The following TBL1XR1 variants were observed in gnomAD, a reference collection of about 807,000 sequenced individuals.
TBL1XR1 encodes TBL1X/Y related 1, also known as F-box-like/WD repeat-containing protein TBL1XR1.
In TBL1XR1, 5 loss-of-function variants were observed where a neutral mutation model predicts 66.9. That is an observed-to-expected ratio of 0.07 (90% confidence interval 0.04 to 0.16). The LOEUF is 0.16. Among genes scored for constraint, TBL1XR1 ranks in the 10% least tolerant of loss-of-function variants. The pLI is 1.00. For synonymous variants in TBL1XR1, 210 were observed against 206.0 expected (o/e 1.02, Z -0.17); for missense variants, 238 against 623.2 (o/e 0.38, Z 6.58).
Position 177,025,368 on chromosome 3 carries a change from T to C in TBL1XR1, c.*130A>G. 1.2e-6 allele frequency: 1 copy of C among 862,194 alleles called. No homozygotes were observed. Among genetic ancestry groups the C allele is most frequent in the Non-Finnish European group, 1.8e-6 (1 of 551,208 alleles). 53.4% of individuals were successfully genotyped at this position (862,194 alleles called of 1,614,324 possible). A position where few individuals can be genotyped will look rare whatever the true frequency, so the allele number is the denominator to read the frequency against. ...TTTGTTTATATACACTGTATGTATA[T>C]ATTTCTTTTAGATTTGGCTGTAGTG... is the stretch of plus-strand genomic sequence containing the variant. On this transcript the variant is annotated 3_prime_UTR_variant, in exon 16 of 16. Coordinates refer to ENST00000457928, the MANE Select transcript of TBL1XR1 (RefSeq NM_024665.7).
At chr3:177,028,534 A>G (rs1017752056) in intron 14 of TBL1XR1, among the ~76,000 whole-genome samples, 42 of 152,224 alleles carry the variant, frequency 2.8e-4, no homozygotes, top group African/African-American at 9.9e-4. Context: ...TCATAGTAAC[A>G]TAAAAACCAT....
At chr3:177,193,076 C>G (rs1455734261) in intron 1 of TBL1XR1, among the ~76,000 whole-genome samples, 1 of 151,836 alleles carries the variant, frequency 6.6e-6, no homozygotes, top group Non-Finnish European at 1.5e-5. Context: ...TCACTTGAAC[C>G]CAGGAGGCGG....
intron 2 of TBL1XR1, among the ~76,000 whole-genome samples, chr3:177,085,721 T>C (rs1413351222): frequency 6.6e-6 from 1 of 152,200 alleles, no homozygotes; most frequent in Admixed American, 6.5e-5. Flanking sequence ...AATAAAATTC[T>C]GTTTTAATAA....
At chr3:177,062,103 A>T (rs181902047) in intron 3 of TBL1XR1, among the ~76,000 whole-genome samples, 10 of 152,326 alleles carry the variant, frequency 6.6e-5, no homozygotes, top group African/African-American at 2.4e-4. Flanking sequence ...TTTAAGACAT[A>T]AAAACGCCTC....
At chr3:177,112,107 A>ATATATATATATTT in intron 1 of TBL1XR1, among the ~76,000 whole-genome samples, 24 of 37,642 alleles carry the variant, frequency 6.4e-4, no homozygotes, top group African/African-American at 7.7e-4. Flanking sequence ...ATATATATAT[A>ATATATATATATTT]TTTTTTTTTT....
chr3:177,162,996 T>C (rs2108895425), intron 1 of TBL1XR1, among the ~76,000 whole-genome samples: 1 of 152,324 alleles, frequency 6.6e-6, no homozygotes, highest in African/African-American at 2.4e-5. Context: ...GTCACTACCC[T>C]AATTATTTAC....
chr3:177,047,184 T>C, intron 9 of TBL1XR1, 116 bp downstream of exon 9: 1 of 821,702 alleles, frequency 1.2e-6, no homozygotes, highest in Non-Finnish European at 1.9e-6. Flanking sequence ...CTAGCATAAA[T>C]TCCTATGTGA....
intron 10 of TBL1XR1, among the ~76,000 whole-genome samples, chr3:177,042,113 A>C (rs558807516): frequency 1.3e-5 from 2 of 152,316 alleles, no homozygotes; most frequent in Admixed American, 1.3e-4. Flanking sequence ...CTAATTCAGT[A>C]ACTACTGTGC....
Position 177,023,048 on chromosome 3 carries a change from CAA to C in TBL1XR1, c.*2448_*2449del, listed in dbSNP as rs1712598610. On this transcript the variant is annotated 3_prime_UTR_variant, in exon 16 of 16. Coordinates refer to ENST00000457928, the MANE Select transcript of TBL1XR1 (RefSeq NM_024665.7). ...AAGAAAAAAAAAACAGAAAAGATGA[CAA>C]TATCATAAAAATGTAGCTGTCTATT... 1 of 151,384 alleles carries C rather than the reference CAA, an allele frequency of 6.6e-6. No homozygotes were observed. Among genetic ancestry groups the C allele is most frequent in the Non-Finnish European group, 1.5e-5 (1 of 67,696 alleles). The allele number at this position is 151,384 out of a possible 1,614,324, so 9.4% of individuals were successfully genotyped here.
chr3:177,052,074 A>G (rs531888944), intron 4 of TBL1XR1, among the ~76,000 whole-genome samples: 3 of 152,256 alleles, frequency 2.0e-5, no homozygotes, highest in Non-Finnish European at 4.4e-5. Context: ...AATATGGAAT[A>G]TAGTTCATAT....
At chr3:177,049,798 T>C (rs558567008) in intron 7 of TBL1XR1, among the ~76,000 whole-genome samples, 199 bp downstream of exon 7, 2 of 152,320 alleles carry the variant, frequency 1.3e-5, no homozygotes, top group South Asian at 2.1e-4. Flanking sequence ...AAGAGCTGGA[T>C]GTTGAACCTT....
At chr3:177,103,150 T>C (rs1724431892) in intron 1 of TBL1XR1, among the ~76,000 whole-genome samples, 1 of 152,210 alleles carries the variant, frequency 6.6e-6, no homozygotes, top group African/African-American at 2.4e-5. Flanking sequence ...CACCAGTGGA[T>C]TGTTACTTTG....
chr3:177,133,826 A>G (rs956273451), intron 1 of TBL1XR1, among the ~76,000 whole-genome samples: 24 of 144,872 alleles, frequency 1.7e-4, no homozygotes, highest in African/African-American at 5.8e-4. Context: ...CAGTGAGCCA[A>G]GATCGCGCCA....
chr3:177,080,300 T>C lies in TBL1XR1; in HGVS notation c.-45-15278A>G, dbSNP rs149170899. 3.4e-4 allele frequency among the ~76,000 whole-genome samples: 52 copies of C among 152,298 alleles called. 1 individual carries two copies. The East Asian group carries it at 8.3e-3, about 24-fold the overall frequency. Reference sequence around the variant, plus strand: ...AATTAGTAATGAGTAACCCAAATTATGGCCCGAAAAGACCTATTCACCTTT... The same window carrying C: ...AATTAGTAATGAGTAACCCAAATTACGGCCCGAAAAGACCTATTCACCTTT... On this transcript the variant is annotated intron_variant, in intron 2 of 15. Transcript: ENST00000457928.
At chr3:177,043,678 G>A (rs766084181) in intron 10 of TBL1XR1, among the ~76,000 whole-genome samples, 2 of 151,896 alleles carry the variant, frequency 1.3e-5, no homozygotes, top group African/African-American at 2.4e-5. Context: ...TAATATTTAG[G>A]CCATTTACAC....
intron 2 of TBL1XR1, among the ~76,000 whole-genome samples, chr3:177,076,680 T>C (rs1422620027): frequency 2.0e-5 from 3 of 152,184 alleles, no homozygotes; most frequent in African/African-American, 7.2e-5. Flanking sequence ...TTACCTTCAG[T>C]CATCTGTCCA....
chr3:177,093,074 T>G (rs1219180102), intron 2 of TBL1XR1, among the ~76,000 whole-genome samples: 1 of 151,988 alleles, frequency 6.6e-6, no homozygotes, highest in African/African-American at 2.4e-5. Flanking sequence ...CCCTAAAAAC[T>G]CCTCCAAAAA....
At chr3:177,082,520 A>ACTATCAGATTAACTTTC (rs1721523151) in intron 2 of TBL1XR1, among the ~76,000 whole-genome samples, 1 of 151,548 alleles carries the variant, frequency 6.6e-6, no homozygotes, top group Admixed American at 6.6e-5. Flanking sequence ...TATCAGAATA[A>ACTATCAGATTAACTTTC]CTATCAGATT....
At chr3:177,118,960 T>A (rs903897565) in intron 1 of TBL1XR1, among the ~76,000 whole-genome samples, 2 of 152,102 alleles carry the variant, frequency 1.3e-5, no homozygotes, top group African/African-American at 2.4e-5. Flanking sequence ...AAAACCTGGA[T>A]AATCAGGTTT....
Sources: allele counts gnomAD v4.1 joint callset (sites outside exome capture counted in the v4.1 genomes callset), GRCh38; gene constraint gnomAD v4.1.1; transcripts MANE v1.5; gene names NCBI Gene and HGNC (gene_info 2026-07-23, HGNC 2026-07-21).